The following HMCN1 variants were observed in gnomAD, a reference collection of about 807,000 sequenced individuals.
HMCN1 encodes hemicentin 1, also known as hemicentin-1.
HMCN1 carries 321 observed loss-of-function variants against 625.9 expected under a neutral mutation model. That is an observed-to-expected ratio of 0.51 (90% CI 0.47 to 0.56). The LOEUF is 0.56. HMCN1 is among the 20% of genes least tolerant of loss of function. The probability of loss-of-function intolerance (pLI) is 0.00; values close to 1 mark genes in which losing one functional copy is unlikely to be tolerated. For missense variants in HMCN1, 6,588 were observed against 6,887.3 expected, an observed-to-expected ratio of 0.96 and a Z score of 1.54; for synonymous variants, 2,425 against 2,417.6, an observed-to-expected ratio of 1.00 and a Z score of -0.09.
intron 89 of HMCN1, among the ~76,000 whole-genome samples, chr1:186,139,244 T>C (rs1649805904): frequency 6.6e-6 from 1 of 152,224 alleles, no homozygotes; most frequent in Non-Finnish European, 1.5e-5. Context: ...GATCTAATTA[T>C]GAAGCTTATT....
intron 20 of HMCN1, among the ~76,000 whole-genome samples, chr1:185,988,105 G>A (rs1330978808): frequency 6.6e-5 from 10 of 152,146 alleles, no homozygotes; most frequent in Admixed American, 6.5e-4. Flanking sequence ...TTTCACTAAA[G>A]GCCTTTTAAG....
chr1:186,074,779 T>A lies in HMCN1; in HGVS notation c.8178T>A (p.Asn2726Lys). ...KSDDHVNIAA[N>K]GHTLQIKEAQ... ...ATGATCATGTTAATATTGCTGCGAA[T>A]GGACACACACTTCAAATAAAGGAGG... is the stretch of plus-strand genomic sequence containing the variant. Residue 2726 changes from asparagine (N) to lysine (K), a missense_variant, in exon 53 of 107, where the codon AAT (asparagine) becomes AAA (lysine). By Grantham distance (94) the Asn-to-Lys change is moderately conservative. Transcript: ENST00000271588. The A allele has an allele frequency of 6.2e-7, 1 of 1,613,046 alleles. No individual in the cohort carries two copies. Among genetic ancestry groups the A allele is most frequent in the Non-Finnish European group, 8.5e-7 (1 of 1,179,328 alleles).
intron 6 of HMCN1, among the ~76,000 whole-genome samples, chr1:185,918,486 A>G (rs914001750): frequency 1.3e-5 from 2 of 152,152 alleles, no homozygotes; most frequent in African/African-American, 4.8e-5. Flanking sequence ...CAGTTCACTG[A>G]CTCAAATATC....
intron 64 of HMCN1, 143 bp downstream of exon 64, chr1:186,091,060 T>G (rs1230486100): frequency 4.5e-5 from 40 of 881,556 alleles, no homozygotes; most frequent in Non-Finnish European, 2.1e-5. Flanking sequence ...ACAAAAAACT[T>G]TTTTTTGAGA....
Position 185,970,455 on chromosome 1 carries a change from C to T in HMCN1, c.2333C>T (p.Ala778Val), listed in dbSNP as rs760618713. 2 of 1,613,878 alleles carry T rather than the reference C, an allele frequency of 1.2e-6. No homozygotes were observed. The highest frequency in any genetic ancestry group is 8.5e-7 in the Non-Finnish European group (1 of 1,179,800). Residue 778 changes from alanine (A) to valine (V), a missense_variant, in exon 15 of 107, where the codon GCT becomes GTT. Around this residue, in one of 3 missense-constraint regions of HMCN1, gnomAD observed 4,628 missense variants for 4,853.1 expected, o/e 0.95. Transcript: ENST00000271588. ...TATACCTGTGTAGCCATCAATGAGG[C>T]TGGAAGAGCAACTGGCAAGATAACT... ...GDYTCVAINE[A>V]GRATGKITLD...
chr1:185,898,410 A>G (rs1443306936), intron 4 of HMCN1, among the ~76,000 whole-genome samples: 2 of 152,224 alleles, frequency 1.3e-5, no homozygotes, highest in Non-Finnish European at 2.9e-5. Context: ...CTGAAAAAGA[A>G]TGAAGTCTTG....
At chr1:186,138,866 T>G (rs942506308) in intron 89 of HMCN1, among the ~76,000 whole-genome samples, 4 of 152,170 alleles carry the variant, frequency 2.6e-5, no homozygotes, top group Non-Finnish European at 4.4e-5. Flanking sequence ...GAGAAAGAAA[T>G]CATGCAAAGT....
intron 73 of HMCN1, among the ~76,000 whole-genome samples, chr1:186,114,526 T>G (rs1425699237): frequency 6.6e-6 from 1 of 152,214 alleles, no homozygotes. Context: ...TCCACAGTGC[T>G]GGGATTACAG....
intron 86 of HMCN1, 127 bp downstream of exon 86, chr1:186,132,536 T>C: frequency 1.3e-6 from 1 of 745,676 alleles, no homozygotes; most frequent in Non-Finnish European, 2.3e-6. Context: ...CTAATTTAGT[T>C]TTCTGCTGCT....
At chr1:186,036,656 T>G (rs912423194) in intron 36 of HMCN1, among the ~76,000 whole-genome samples, 1 of 151,776 alleles carries the variant, frequency 6.6e-6, no homozygotes, top group Non-Finnish European at 1.5e-5. Flanking sequence ...AATGGCACGA[T>G]CTCAGCTCAC....
At chr1:185,967,003 C>G (rs1231365122) in intron 14 of HMCN1, among the ~76,000 whole-genome samples, 1 of 152,068 alleles carries the variant, frequency 6.6e-6, no homozygotes, top group Non-Finnish European at 1.5e-5. Context: ...GCTCCTTAAT[C>G]AGGTTTATGT....
rs1284951024 is a variant in HMCN1 at position 186,115,245 on chromosome 1, G to A, written c.11405-13G>A. On this transcript the variant is annotated splice_polypyrimidine_tract_variant and intron_variant, in intron 74 of 106. Transcript: ENST00000271588. ...TGACTGTGTTTCCTTCTTATTTGGT[G>A]ACATTGTCTTAGTTCCTCCATCTAT... The A allele has an allele frequency of 1.2e-6, 2 of 1,613,716 alleles. No individual in the cohort carries two copies. The highest frequency in any genetic ancestry group is 2.2e-5 in the East Asian group (1 of 44,866).
At chr1:186,063,067 C>CACATATATATATAT (rs1657836356) in intron 48 of HMCN1, among the ~76,000 whole-genome samples, 1 of 59,854 alleles carries the variant, frequency 1.7e-5, no homozygotes. Context: ...TGTGTGTGTG[C>CACATATATATATAT]ATATATATAT....
intron 15 of HMCN1, among the ~76,000 whole-genome samples, chr1:185,976,627 TTCCATAATTCAAC>T (rs1479826889): frequency 6.6e-6 from 1 of 152,146 alleles, no homozygotes; most frequent in Non-Finnish European, 1.5e-5. Context: ...TTAAGCCTGC[TTCCATAATTCAAC>T]TCCATGTGAC....
In HMCN1 at chr1:186,015,443, G is replaced by A. The variant is rs944760993; in HGVS notation, c.4909+6G>A. The A allele has an allele frequency of 1.9e-6, 3 of 1,611,962 alleles. No individual in the cohort carries two copies. Among genetic ancestry groups the A allele is most frequent in the Admixed American group, 3.3e-5 (2 of 59,970 alleles). ...ATTCCATGTGGATGTCTATGGTGAG[G>A]AACAACATATGCTTTAATTATATAC... On this transcript the variant is annotated splice_donor_region_variant and intron_variant, in intron 31 of 106. Coordinates refer to ENST00000271588, the MANE Select transcript of HMCN1 (RefSeq NM_031935.3).
intron 3 of HMCN1, 120 bp from the exon 4 acceptor site, chr1:185,865,621 A>G: frequency 1.3e-6 from 1 of 744,540 alleles, no homozygotes; most frequent in South Asian, 1.5e-5. Flanking sequence ...ACACACACAC[A>G]CACACACACA....
intron 97 of HMCN1, 89 bp from the exon 98 acceptor site, chr1:186,165,022 C>T: frequency 9.0e-7 from 1 of 1,106,558 alleles, no homozygotes; most frequent in Non-Finnish European, 1.4e-6. Context: ...TCATCTTTGG[C>T]ATATCTTCCC....
chr1:185,821,039 T>C (rs1432190330), intron 1 of HMCN1, among the ~76,000 whole-genome samples: 2 of 151,734 alleles, frequency 1.3e-5, no homozygotes, highest in African/African-American at 2.4e-5. Context: ...TATATGTACA[T>C]GTAATATATA....
chr1:186,123,549 A>G (rs1305816977), intron 81 of HMCN1, among the ~76,000 whole-genome samples: 2 of 152,158 alleles, frequency 1.3e-5, no homozygotes, highest in Non-Finnish European at 2.9e-5. Context: ...TTACTTCTCA[A>G]GCTTCAAGTC....
Sources: allele counts gnomAD v4.1 joint callset (sites outside exome capture counted in the v4.1 genomes callset), GRCh38; gene constraint gnomAD v4.1.1; regional missense constraint gnomAD v4.1.1; transcripts MANE v1.5; gene names NCBI Gene and HGNC (gene_info 2026-07-23, HGNC 2026-07-21).